KIAA1217: variants seen among roughly 807,000 people sequenced by gnomAD.
KIAA1217 encodes the protein sickle tail protein homolog.
Under a neutral mutation model 163.9 loss-of-function variants are expected in KIAA1217, and 88 were observed. The ratio of observed to expected loss-of-function variants is 0.54; its 90% CI spans 0.45 to 0.64. The LOEUF (loss-of-function observed/expected upper bound fraction) is 0.64, where lower values mean the gene tolerates loss of function less well. Among genes scored for constraint, KIAA1217 ranks in the 30% least tolerant of loss-of-function variants. KIAA1217 has a pLI of 0.00. For missense variants in KIAA1217, 2,372 were observed against 2,475.0 expected (o/e 0.96, Z 0.88); for synonymous variants, 903 against 923.1 (o/e 0.98, Z 0.39).
chr10:24,366,386 G>C (rs373963926), intron 2 of KIAA1217, among the ~76,000 whole-genome samples: 1 of 151,996 alleles, frequency 6.6e-6, no homozygotes, highest in Non-Finnish European at 1.5e-5. Flanking sequence ...CAGAGGGTGC[G>C]GTGAGCTGAG....
intron 3 of KIAA1217, among the ~76,000 whole-genome samples, chr10:24,417,633 T>A (rs541771612): frequency 6.6e-6 from 1 of 151,720 alleles, no homozygotes; most frequent in Non-Finnish European, 1.5e-5. Flanking sequence ...TGAGACACAG[T>A]GGAGAGGAAG....
At chr10:24,102,744 C>T (rs1375456550) in intron 2 of KIAA1217, among the ~76,000 whole-genome samples, 1 of 152,172 alleles carries the variant, frequency 6.6e-6, no homozygotes, top group Admixed American at 6.5e-5. Flanking sequence ...AATAGACCAA[C>T]ACAAACATAT....
At chr10:23,789,677 T>G (rs887925860) in intron 1 of KIAA1217, among the ~76,000 whole-genome samples, 1 of 152,052 alleles carries the variant, frequency 6.6e-6, no homozygotes, top group African/African-American at 2.4e-5. Context: ...CTTTTCAGAC[T>G]GTACCTGATA....
chr10:24,387,523 T>G (rs938998079), intron 3 of KIAA1217, among the ~76,000 whole-genome samples: 1 of 152,160 alleles, frequency 6.6e-6, no homozygotes, highest in African/African-American at 2.4e-5. Context: ...TCACTACTCC[T>G]ATTCAACATA....
chr10:24,018,093 C>A (rs1445482275), intron 2 of KIAA1217, among the ~76,000 whole-genome samples: 1 of 151,864 alleles, frequency 6.6e-6, no homozygotes, highest in Non-Finnish European at 1.5e-5. Flanking sequence ...AGAAGAAATA[C>A]AAATTCTTTC....
At chr10:24,329,563 G>T (rs531327669) in intron 2 of KIAA1217, among the ~76,000 whole-genome samples, 1 of 152,092 alleles carries the variant, frequency 6.6e-6, no homozygotes, top group South Asian at 2.1e-4. Flanking sequence ...ATGTCAATGG[G>T]AAGTTGAGCA....
intron 10 of KIAA1217, among the ~76,000 whole-genome samples, chr10:24,514,407 C>A (rs1197380725): frequency 6.6e-6 from 1 of 152,082 alleles, no homozygotes; most frequent in Admixed American, 6.6e-5. Flanking sequence ...TGGCTCGTGT[C>A]GCCCTGGATG....
chr10:24,434,025 CTTTTTTTTTTTTT>C (rs569791889), intron 4 of KIAA1217, among the ~76,000 whole-genome samples: 5 of 72,634 alleles, frequency 6.9e-5, no homozygotes, highest in Non-Finnish European at 7.0e-5. Context: ...CTCTCTCTCT[CTTTTTTTTTTTTT>C]TTTTTTTTTT....
chr10:24,519,306 T>C (rs1288248020), intron 10 of KIAA1217, among the ~76,000 whole-genome samples: 1 of 152,226 alleles, frequency 6.6e-6, no homozygotes, highest in African/African-American at 2.4e-5. Flanking sequence ...GGTTGTTTTC[T>C]CAAGGGTGAG....
intron 1 of KIAA1217, among the ~76,000 whole-genome samples, chr10:23,752,242 T>A (rs973821294): frequency 2.0e-5 from 3 of 152,214 alleles, no homozygotes; most frequent in African/African-American, 7.2e-5. Context: ...AAGTATTGTA[T>A]TATGTGGGAG....
At chr10:23,856,164 G>A (rs189069953) in intron 1 of KIAA1217, among the ~76,000 whole-genome samples, 87 of 152,290 alleles carry the variant, frequency 5.7e-4, no homozygotes, top group African/African-American at 2.1e-3. Flanking sequence ...GGTCTTTGAT[G>A]ATGGTGATGT....
chr10:24,091,186 T>C (rs1333292637), intron 2 of KIAA1217, among the ~76,000 whole-genome samples: 1 of 151,882 alleles, frequency 6.6e-6, no homozygotes, highest in African/African-American at 2.4e-5. Context: ...CCTCACAAAT[T>C]GCTCTGCTAC....
At chr10:24,011,822 A>C (rs1847246254) in intron 2 of KIAA1217, among the ~76,000 whole-genome samples, 1 of 152,170 alleles carries the variant, frequency 6.6e-6, no homozygotes, top group Non-Finnish European at 1.5e-5. Context: ...TAAATGGTGT[A>C]AGTAAAAATT....
In KIAA1217 at chr10:24,048,590, C is replaced by T. The variant is rs1014846532; in HGVS notation, c.-171+41216C>T. Among the ~76,000 whole-genome samples the T allele has an allele frequency of 3.9e-5, 6 of 151,916 alleles. No individual in the cohort carries two copies. In the South Asian group the frequency reaches 6.2e-4, roughly 16 times the overall value. ...ACTAAAAATAAAAAAATTAGCCAGG[C>T]GTGGTGGCAGCCGCCTGTAATCCCA... On this transcript the variant is annotated intron_variant, in intron 2 of 18. Coordinates refer to the KIAA1217 transcript ENST00000376462.
chr10:24,357,524 C>A (rs569203303), intron 2 of KIAA1217, among the ~76,000 whole-genome samples: 1 of 152,324 alleles, frequency 6.6e-6, no homozygotes, highest in East Asian at 1.9e-4. Flanking sequence ...CTTAATTCCC[C>A]TGCAGCAGCA....
intron 2 of KIAA1217, among the ~76,000 whole-genome samples, chr10:24,054,719 C>A (rs1849762336): frequency 6.6e-6 from 1 of 152,066 alleles, no homozygotes; most frequent in African/African-American, 2.4e-5. Context: ...TTAAATAAAC[C>A]TAGTTGGCAT....
upstream of KIAA1217, chr10:24,209,050 G>C (rs1163686668): frequency 1.5e-6 from 1 of 645,312 alleles, no homozygotes; most frequent in Admixed American, 2.7e-5. Flanking sequence ...ACTTTGCACC[G>C]GAGTGGAAAA....
chr10:24,234,617 C>G (rs892371158), intron 2 of KIAA1217, among the ~76,000 whole-genome samples: 17 of 148,824 alleles, frequency 1.1e-4, no homozygotes, highest in African/African-American at 4.0e-4. Flanking sequence ...CGAGATCATG[C>G]CGCTGCACTC....
At chr10:24,041,052 C>T (rs1848608667) in intron 2 of KIAA1217, among the ~76,000 whole-genome samples, 1 of 152,238 alleles carries the variant, frequency 6.6e-6, no homozygotes, top group Non-Finnish European at 1.5e-5. Context: ...CAGCACATAA[C>T]TGTGTCTGAT....
Sources: gnomAD v4.1 joint callset for allele counts (sites outside exome capture counted in the v4.1 genomes callset) on GRCh38, gnomAD v4.1.1 for gene constraint, MANE v1.5 for transcripts, NCBI Gene and HGNC (gene_info 2026-07-23, HGNC 2026-07-21) for gene names.